Variants in HHAT observed in about 807,000 individuals in gnomAD.
HHAT encodes protein-cysteine N-palmitoyltransferase HHAT.
In HHAT, 47 loss-of-function variants were observed where a neutral mutation model predicts 70.8. The observed-to-expected ratio is 0.66, with a 90% CI of 0.53 to 0.85. HHAT has a LOEUF of 0.85. Among genes scored for constraint, HHAT ranks in the 40% least tolerant of loss-of-function variants. The pLI is 0.00. For missense variants in HHAT, 609 were observed against 604.8 expected (o/e 1.01, Z -0.07); for synonymous variants, 228 against 247.6 (o/e 0.92, Z 0.74).
At chr1:210,362,414 A>G (rs2088444261) in intron 2 of HHAT, among the ~76,000 whole-genome samples, 1 of 152,066 alleles carries the variant, frequency 6.6e-6, no homozygotes, top group African/African-American at 2.4e-5. Context: ...TTTAGTAGAG[A>G]TGGGGTTTCA....
chr1:210,429,008 G>A (rs1450078479), intron 7 of HHAT, among the ~76,000 whole-genome samples: 1 of 151,636 alleles, frequency 6.6e-6, no homozygotes, highest in Non-Finnish European at 1.5e-5. Flanking sequence ...ACCTCGCTCC[G>A]GCAAAAGACA....
chr1:210,331,839 A>T (rs757643963), intron 1 of HHAT, among the ~76,000 whole-genome samples: 5 of 28,052 alleles, frequency 1.8e-4, no homozygotes, highest in Non-Finnish European at 3.2e-4. Context: ...GGAGGTAAGC[A>T]AGTAAGCAAG....
At position 210,349,021 on chromosome 1, in the gene HHAT, G is replaced by C; in HGVS notation, c.46G>C (p.Gly16Arg). The C allele has an allele frequency of 6.2e-7, 1 of 1,614,046 alleles. No homozygotes were observed. The highest frequency in any genetic ancestry group is 1.1e-5 in the South Asian group (1 of 91,086). ...ELALYLLASLGFHFYSFYEVY... is the reference protein window; with the variant it reads ...ELALYLLASLRFHFYSFYEVY... ...GGCACTTTACCTACTTGCCTCACTA[G>C]GCTTCCACTTCTATTCCTTCTATGA... The change falls in exon 2 of 12, where the codon GGC becomes CGC. Residue 16 changes from glycine to arginine, a missense_variant. Coordinates refer to ENST00000261458, the MANE Select transcript of HHAT (RefSeq NM_018194.6).
At chr1:210,523,863 G>A (rs2095201733) in intron 9 of HHAT, among the ~76,000 whole-genome samples, 1 of 152,198 alleles carries the variant, frequency 6.6e-6, no homozygotes, top group Admixed American at 6.5e-5. Context: ...CAGGATCAAA[G>A]CAGTAACAAG....
chr1:210,512,103 G>C lies in HHAT; in HGVS notation c.1008-1050G>C, dbSNP rs560187760. Among the ~76,000 whole-genome samples, 6 of 152,274 alleles carry C rather than the reference G, an allele frequency of 3.9e-5. No homozygotes were observed. In the South Asian group the frequency reaches 1.2e-3, roughly 32 times the overall value. On this transcript the variant is annotated intron_variant, in intron 8 of 11. Coordinates refer to ENST00000261458, the MANE Select transcript of HHAT (RefSeq NM_018194.6). The stretch of plus-strand genomic sequence containing the variant: ...TCAGGAAAAGGCTGTGACTTAAAGG[G>C]TCTGCCATAGCCCAGCGCTATGGGA...
chr1:210,395,961 C>A (rs1370827221), intron 4 of HHAT, among the ~76,000 whole-genome samples: 1 of 152,150 alleles, frequency 6.6e-6, no homozygotes. Context: ...GTAATCTAAA[C>A]AAGGCAGGAG....
At chr1:210,673,373 C>T (rs369123884) in intron 11 of HHAT, among the ~76,000 whole-genome samples, 13 of 151,400 alleles carry the variant, frequency 8.6e-5, no homozygotes, top group East Asian at 3.9e-4. Context: ...AAACACACAA[C>T]GGTGATGATG....
chr1:210,462,986 G>C (rs80042001), intron 7 of HHAT: 1 of 152,216 alleles, frequency 6.6e-6, no homozygotes, highest in Non-Finnish European at 1.5e-5. Flanking sequence ...GCACAGTGGG[G>C]CGGGCAATCT....
At chr1:210,614,018 CAAAAAAAA>C (rs55874321) in intron 10 of HHAT, among the ~76,000 whole-genome samples, 51 of 111,560 alleles carry the variant, frequency 4.6e-4, no homozygotes, top group Middle Eastern at 8.5e-3. Flanking sequence ...GACCCTGCCT[CAAAAAAAA>C]AAAAAAAAAA....
chr1:210,388,258 A>T (rs983899544), intron 4 of HHAT, among the ~76,000 whole-genome samples: 1 of 152,182 alleles, frequency 6.6e-6, no homozygotes, highest in African/African-American at 2.4e-5. Context: ...AAATTTACCG[A>T]ATAAAAGCAA....
chr1:210,552,555 G>T (rs945157110), intron 9 of HHAT, among the ~76,000 whole-genome samples: 1 of 152,218 alleles, frequency 6.6e-6, no homozygotes, highest in African/African-American at 2.4e-5. Context: ...CTGGGCAGTT[G>T]TGGCAGAGGC....
At chr1:210,610,373 T>C (rs10863845) in intron 10 of HHAT, among the ~76,000 whole-genome samples, 80,079 of 145,482 alleles carry the variant, frequency 0.55, 21,396 homozygotes, top group South Asian at 0.67. Context: ...TTGCTTGTTT[T>C]TCTCTTGTAG....
chr1:210,672,041 T>C (rs1007368687), intron 11 of HHAT, among the ~76,000 whole-genome samples: 1 of 152,214 alleles, frequency 6.6e-6, no homozygotes, highest in African/African-American at 2.4e-5. Flanking sequence ...GTTCCCATGC[T>C]ATGCCAGGCA....
At chr1:210,552,930 G>A (rs918877861) in intron 9 of HHAT, among the ~76,000 whole-genome samples, 1 of 152,118 alleles carries the variant, frequency 6.6e-6, no homozygotes, top group Non-Finnish European at 1.5e-5. Context: ...CTCTTTGCTG[G>A]TCTGTGAGGT....
At chr1:210,411,989 G>A (rs1034110211) in intron 6 of HHAT, among the ~76,000 whole-genome samples, 1 of 152,182 alleles carries the variant, frequency 6.6e-6, no homozygotes, top group Non-Finnish European at 1.5e-5. Context: ...TCTAGAGGCT[G>A]GGAAGTCCAA....
In HHAT at chr1:210,571,930, A is replaced by C. The variant is rs186067375; in HGVS notation, c.1044-15968A>C. Among the ~76,000 whole-genome samples the C allele has an allele frequency of 5.9e-5, 9 of 152,306 alleles. No homozygotes were observed. In the East Asian group the frequency reaches 1.7e-3, roughly 29 times the overall value. On this transcript the variant is annotated intron_variant, in intron 9 of 11. Coordinates refer to ENST00000261458, the MANE Select transcript of HHAT (RefSeq NM_018194.6). Reference sequence around the variant, plus strand: ...CTTAAAATATTAATCTCTAATGTGCACTCAAGACTTTACTCAATTACCATG... The same window carrying C: ...CTTAAAATATTAATCTCTAATGTGCCCTCAAGACTTTACTCAATTACCATG...
At chr1:210,395,160 T>C (rs909565962) in intron 4 of HHAT, among the ~76,000 whole-genome samples, 3 of 152,184 alleles carry the variant, frequency 2.0e-5, no homozygotes, top group Non-Finnish European at 2.9e-5. Flanking sequence ...AAAGAATTAA[T>C]AGGCAGGGAC....
chr1:210,370,068 A>G (rs1298890228), intron 3 of HHAT, among the ~76,000 whole-genome samples: 2 of 151,690 alleles, frequency 1.3e-5, no homozygotes, highest in Non-Finnish European at 2.9e-5. Flanking sequence ...CTCTCTGCAT[A>G]CACATATACA....
At chr1:210,458,829 C>A (rs537032443) in intron 7 of HHAT, among the ~76,000 whole-genome samples, 1 of 152,142 alleles carries the variant, frequency 6.6e-6, no homozygotes, top group Admixed American at 6.5e-5. Flanking sequence ...GGGATCCAAT[C>A]ACTAGCTTCT....
Sources: allele counts gnomAD v4.1 joint callset (sites outside exome capture counted in the v4.1 genomes callset), GRCh38; gene constraint gnomAD v4.1.1; transcripts MANE v1.5; gene names NCBI Gene and HGNC (gene_info 2026-07-23, HGNC 2026-07-21).